Variants in CYSTM1 observed in about 807,000 individuals in gnomAD.
CYSTM1 encodes the protein cysteine-rich transmembrane module-containing protein 1.
CYSTM1 carries 4 observed loss-of-function variants against 13.1 expected under a neutral mutation model. The observed-to-expected ratio is 0.31, with a 90% CI of 0.15 to 0.70. The LOEUF is 0.70. Among genes scored for constraint, CYSTM1 ranks in the 30% least tolerant of loss-of-function variants. The probability of loss-of-function intolerance (pLI) is 0.72; values close to 1 mark genes in which losing one functional copy is unlikely to be tolerated. For synonymous variants in CYSTM1, 36 were observed against 42.7 expected, an observed-to-expected ratio of 0.84 and a Z score of 0.62; for missense variants, 96 against 121.6, an observed-to-expected ratio of 0.79 and a Z score of 0.99.
At chr5:140,182,363 A>G (rs1010765901) in intron 1 of CYSTM1, among the ~76,000 whole-genome samples, 124 of 152,324 alleles carry the variant, frequency 8.1e-4, no homozygotes, top group African/African-American at 2.8e-3. Flanking sequence ...GTGTGGTTCT[A>G]TGATACTAGG....
At chr5:140,204,215 A>G (rs930471344) in intron 2 of CYSTM1, among the ~76,000 whole-genome samples, 8 of 152,072 alleles carry the variant, frequency 5.3e-5, no homozygotes, top group African/African-American at 1.9e-4. Context: ...TACAAATAAT[A>G]AAAGAAAATT....
Position 140,241,975 on chromosome 5 carries a change from C to G in CYSTM1, c.188-1330C>G, listed in dbSNP as rs115577368. On this transcript the variant is annotated intron_variant, in intron 2 of 2. Coordinates refer to ENST00000261811, the MANE Select transcript of CYSTM1 (RefSeq NM_032412.4). Reference sequence around the variant, plus strand: ...CTCTGCCTCGTCACATGTGCTTGAACGAGAGACTTGAGCTCTCTAAGCCTC... The same window carrying G: ...CTCTGCCTCGTCACATGTGCTTGAAGGAGAGACTTGAGCTCTCTAAGCCTC... Among the ~76,000 whole-genome samples, 545 of 152,344 alleles carry G rather than the reference C, an allele frequency of 3.6e-3. 2 individuals are homozygous for G. Among genetic ancestry groups the G allele is most frequent in the African/African-American group, 0.012 (511 of 41,572 alleles).
intron 2 of CYSTM1, among the ~76,000 whole-genome samples, chr5:140,224,107 GTATAGCT>G (rs1764521433): frequency 6.6e-6 from 1 of 152,158 alleles, no homozygotes; most frequent in Admixed American, 6.5e-5. Flanking sequence ...GTAAACACAT[GTATAGCT>G]GGTCATGCCT....
At chr5:140,204,297 C>G (rs1764270362) in intron 2 of CYSTM1, among the ~76,000 whole-genome samples, 1 of 152,138 alleles carries the variant, frequency 6.6e-6, no homozygotes, top group African/African-American at 2.4e-5. Context: ...CACCTGAGTC[C>G]AGGAGTTCCA....
At chr5:140,226,465 T>TA (rs199693036) in intron 2 of CYSTM1, among the ~76,000 whole-genome samples, 1 of 104,854 alleles carries the variant, frequency 9.5e-6, no homozygotes, top group Non-Finnish European at 1.9e-5. Flanking sequence ...CCCGTCTCTA[T>TA]AAAAAATATA....
intron 2 of CYSTM1, 59 bp downstream of exon 2, chr5:140,194,711 T>C: frequency 1.3e-6 from 2 of 1,526,066 alleles, no homozygotes; most frequent in Non-Finnish European, 8.8e-7. Flanking sequence ...AATGTTTGCA[T>C]GTTTTCTTTG....
intron 1 of CYSTM1, among the ~76,000 whole-genome samples, chr5:140,184,261 T>G (rs919843253): frequency 6.6e-6 from 1 of 152,208 alleles, no homozygotes; most frequent in Admixed American, 6.5e-5. Context: ...GCACAGGTAG[T>G]TCTAACTTAT....
chr5:140,193,947 A>G (rs1764122031), intron 1 of CYSTM1, among the ~76,000 whole-genome samples: 1 of 152,226 alleles, frequency 6.6e-6, no homozygotes, highest in Non-Finnish European at 1.5e-5. Flanking sequence ...CATTGCTGCC[A>G]GTGCTGCTCG....
intron 1 of CYSTM1, among the ~76,000 whole-genome samples, chr5:140,176,326 G>A (rs1012551641): frequency 6.6e-6 from 1 of 152,178 alleles, no homozygotes; most frequent in Non-Finnish European, 1.5e-5. Context: ...GGCTCAGGCA[G>A]CCAGGTGCCT....
At chr5:140,184,550 C>A (rs1763994382) in intron 1 of CYSTM1, among the ~76,000 whole-genome samples, 1 of 151,964 alleles carries the variant, frequency 6.6e-6, no homozygotes, top group African/African-American at 2.4e-5. Flanking sequence ...AAAGGATAGA[C>A]CCGCTATAAA....
Position 140,177,068 on chromosome 5 carries a change from C to CAAAAAAAAAAAAA in CYSTM1, c.-21+1790_-21+1802dup, listed in dbSNP as rs1161281232. On this transcript the variant is annotated intron_variant, in intron 1 of 2. Coordinates refer to ENST00000261811, the MANE Select transcript of CYSTM1 (RefSeq NM_032412.4). Reference sequence around the variant, plus strand: ...TGGGCGACAGAGCGAGACTCTGTCTCAAAAAAAAAAAAAAAAAAATCTCTA... The same window carrying CAAAAAAAAAAAAA: ...TGGGCGACAGAGCGAGACTCTGTCTCAAAAAAAAAAAAAAAAAAAAAAAAAAAAAAAATCTCTA... Among the ~76,000 whole-genome samples, 686 of 87,856 alleles carry CAAAAAAAAAAAAA rather than the reference C, an allele frequency of 7.8e-3. 45 individuals carry two copies. Among genetic ancestry groups the CAAAAAAAAAAAAA allele is most frequent in the Non-Finnish European group, 0.012 (532 of 45,732 alleles). The allele number at this position is 87,856 out of a possible 152,430, so 57.6% of individuals were successfully genotyped here.
rs1315638085 is a variant in CYSTM1 at position 140,194,682 on chromosome 5, G to A, written c.187+30G>A. On this transcript the variant is annotated intron_variant, in intron 2 of 2. Transcript: ENST00000261811. ...GTGTCTCTGAATATGTGGGTGTGCAGTCCCGTGTCACTAAAGGAAATGTTT... is the reference window on the plus strand; with the variant it reads ...GTGTCTCTGAATATGTGGGTGTGCAATCCCGTGTCACTAAAGGAAATGTTT... 4.4e-6 allele frequency: 7 copies of A among 1,578,066 alleles called. No individual in the cohort carries two copies. In the Admixed American group the frequency reaches 1.3e-4, roughly 28 times the overall value.
chr5:140,214,872 T>C (rs1192594110), intron 2 of CYSTM1, among the ~76,000 whole-genome samples: 1 of 152,154 alleles, frequency 6.6e-6, no homozygotes, highest in Non-Finnish European at 1.5e-5. Flanking sequence ...GTGCTGTAGG[T>C]CATTGGTGTG....
At chr5:140,186,228 AT>A (rs1764014113) in intron 1 of CYSTM1, among the ~76,000 whole-genome samples, 1 of 152,232 alleles carries the variant, frequency 6.6e-6, no homozygotes. Flanking sequence ...TGTCAATAGT[AT>A]TCAACAAACA....
chr5:140,193,371 C>T (rs1764115057), intron 1 of CYSTM1, among the ~76,000 whole-genome samples: 1 of 152,186 alleles, frequency 6.6e-6, no homozygotes, highest in Non-Finnish European at 1.5e-5. Context: ...GCAACCTCTA[C>T]CTCCCAAGTT....
chr5:140,198,281 C>CT (rs1764179049), intron 2 of CYSTM1, among the ~76,000 whole-genome samples: 1 of 150,910 alleles, frequency 6.6e-6, no homozygotes, highest in Admixed American at 6.7e-5. Context: ...AACTCACTGG[C>CT]TTAAAACAAC....
intron 2 of CYSTM1, among the ~76,000 whole-genome samples, chr5:140,232,952 T>C (rs539727448): frequency 2.6e-5 from 4 of 152,270 alleles, no homozygotes; most frequent in Admixed American, 2.0e-4. Context: ...GTCCAGCACA[T>C]AGATAACCAA....
intron 2 of CYSTM1, among the ~76,000 whole-genome samples, chr5:140,221,596 C>T (rs187346885): frequency 2.0e-5 from 3 of 152,336 alleles, no homozygotes; most frequent in East Asian, 3.9e-4. Context: ...ATTTATACCA[C>T]ATTTCGTTTA....
chr5:140,207,735 C>T (rs745721506), intron 2 of CYSTM1, among the ~76,000 whole-genome samples: 6 of 152,306 alleles, frequency 3.9e-5, no homozygotes, highest in Middle Eastern at 3.4e-3. Flanking sequence ...ATGGCTTTTG[C>T]AAATGCCACT....
Sources: gnomAD v4.1 joint callset for allele counts (sites outside exome capture counted in the v4.1 genomes callset) on GRCh38, gnomAD v4.1.1 for gene constraint, MANE v1.5 for transcripts, NCBI Gene and HGNC (gene_info 2026-07-23, HGNC 2026-07-21) for gene names.